Variants in IL13RA2 observed in about 807,000 individuals in gnomAD.
The protein encoded by IL13RA2 is interleukin 13 receptor subunit alpha 2.
In IL13RA2, 25 loss-of-function variants were observed where a neutral mutation model predicts 34.1. That is an observed-to-expected ratio of 0.73 (90% CI 0.53 to 1.03). IL13RA2 has a LOEUF of 1.03. Among genes scored for constraint, IL13RA2 ranks in the 50% least tolerant of loss-of-function variants. The pLI is 0.00. For missense variants in IL13RA2, 297 were observed against 280.9 expected, an observed-to-expected ratio of 1.06 and a Z score of -0.41; for synonymous variants, 106 against 100.4, an observed-to-expected ratio of 1.06 and a Z score of -0.33.
chrX:115,007,841 C>T, intron 8 of IL13RA2, 91 bp downstream of exon 8: 1 of 569,523 alleles, frequency 1.8e-6, no homozygotes, highest in Non-Finnish European at 2.8e-6. Flanking sequence ...TGGGAAAGTC[C>T]TTCACTTCTG....
At chrX:115,004,341 T>C (rs1048730966) in intron 9 of IL13RA2, among the ~76,000 whole-genome samples, 1 of 107,790 alleles carries the variant, frequency 9.3e-6, no homozygotes, top group Non-Finnish European at 1.9e-5. Flanking sequence ...GTGGGAGGAA[T>C]TGCTTGAGCC....
intron 4 of IL13RA2, 113 bp from the exon 5 acceptor site, chrX:115,014,002 A>G: frequency 1.7e-6 from 1 of 575,737 alleles, no homozygotes; most frequent in Non-Finnish European, 2.9e-6. Flanking sequence ...TTTTGCAATC[A>G]ACATAACAGG....
Position 115,010,719 on chromosome X carries a change from A to G in IL13RA2, c.631T>C (p.Tyr211His). 9.8e-7 allele frequency: 1 copy of G among 1,022,422 alleles called. No homozygotes were observed. The highest frequency in any genetic ancestry group is 1.4e-6 in the Non-Finnish European group (1 of 728,242). 84.3% of individuals were successfully genotyped at this position (1,022,422 alleles called of 1,213,427 possible). ...TCTGATGATCCATTAACACAAATAT[A>G]GAAATCTTTATAGTCTGATGCCTCC... ...YLEASDYKDF[Y>H]ICVNGSSENK... Residue 211 changes from tyrosine to histidine, a missense_variant, in exon 6 of 10, where the codon TAT (tyrosine) becomes CAT (histidine). Tyr to His is a moderately conservative substitution (Grantham distance 83, BLOSUM62 2). Coordinates refer to ENST00000243213, the MANE Select transcript of IL13RA2 (RefSeq NM_000640.3).
rs376324363 is a variant in IL13RA2, at chrX:115,013,813, A to G, written c.477T>C (p.Pro159=). The G allele has an allele frequency of 1.1e-5, 11 of 1,045,189 alleles. No individual in the cohort carries two copies. Among genetic ancestry groups the G allele is most frequent in the Admixed American group, 8.9e-5 (4 of 44,777 alleles). 86.1% of individuals were successfully genotyped at this position (1,045,189 alleles called of 1,213,427 possible). A position where few individuals can be genotyped will look rare whatever the true frequency, so the allele number is the denominator to read the frequency against. ...NWQYLLCSWK[P]GIGVLLDTNY... ...TGGTATCAAGAAGTACACCTATGCC[A>G]GGTTTCCAAGAACAGAGTAAATATT... Residue 159 remains proline (P), a synonymous_variant, in exon 5 of 10, where the codon CCT becomes CCC. Coordinates refer to ENST00000243213, the MANE Select transcript of IL13RA2 (RefSeq NM_000640.3).
At chrX:115,012,019 A>G (rs1253425081) in intron 5 of IL13RA2, among the ~76,000 whole-genome samples, 2 of 112,484 alleles carry the variant, frequency 1.8e-5, no homozygotes, top group Non-Finnish European at 3.8e-5. Flanking sequence ...CAGATGAGGA[A>G]ACAAAAATTC....
Position 115,004,009 on chromosome X carries a change from A to T in IL13RA2, c.*71T>A. 1.7e-6 allele frequency: 1 copy of T among 596,565 alleles called. No individual in the cohort carries two copies. The highest frequency in any genetic ancestry group is 2.6e-5 in the South Asian group (1 of 38,374). 49.2% of individuals were successfully genotyped at this position (596,565 alleles called of 1,213,427 possible). On this transcript the variant is annotated 3_prime_UTR_variant, in exon 10 of 10. Coordinates refer to ENST00000243213, the MANE Select transcript of IL13RA2 (RefSeq NM_000640.3). ...CGCAAGAAAAATTCAGTTTATTGAG[A>T]CTCATATTGAACATTTGGCCATGAC...
Position 115,005,268 on chromosome X carries a change from CA to C in IL13RA2, c.1044del (p.Phe348LeufsTer5). The C allele has an allele frequency of 8.7e-7, 1 of 1,146,956 alleles. No homozygotes were observed. Among genetic ancestry groups the C allele is most frequent in the Non-Finnish European group, 1.2e-6 (1 of 836,640 alleles). 94.5% of individuals were successfully genotyped at this position (1,146,956 alleles called of 1,213,427 possible). On this transcript the variant is annotated frameshift_variant, in exon 9 of 10. Coordinates refer to ENST00000243213, the MANE Select transcript of IL13RA2 (RefSeq NM_000640.3). LOFTEE classifies it high-confidence loss of function. ...AATATAACTAATATTAAGATGAAAC[CA>C]AATGGTAGCCAGAAACGTAGCAAAG... Reference protein sequence around the residue: ...KKTLLRFWLPFGFILILVIFV... With the variant: ...KKTLLRFWLPXGFILILVIFV...
chrX:115,015,576 T>C, intron 3 of IL13RA2, 94 bp downstream of exon 3: 2 of 772,507 alleles, frequency 2.6e-6, no homozygotes, highest in Non-Finnish European at 4.0e-6. Flanking sequence ...ATTAGAACTA[T>C]TGAGATATGG....
At position 115,009,546 on chromosome X, in the gene IL13RA2, A is replaced by G. The variant is rs146901313; in HGVS notation, c.827T>C (p.Ile276Thr). The change falls in exon 7 of 10, where the codon ATC becomes ACC. Residue 276 changes from isoleucine (I) to threonine (T), a missense_variant. Ile to Thr is a moderately conservative substitution (Grantham distance 89). Coordinates refer to ENST00000243213, the MANE Select transcript of IL13RA2 (RefSeq NM_000640.3). ...CACCAAGGTAGTATCATCTTCTCTG[A>G]TCTCAATTTCATAATCAAAACACCT... The part of the protein sequence containing the change: ...PARCFDYEIE[I>T]REDDTTLVTA... The G allele has an allele frequency of 2.0e-3, 2,412 of 1,197,599 alleles. 8 individuals carry two copies. The highest frequency in any genetic ancestry group is 1.8e-3 in the Non-Finnish European group (1,599 of 884,089).
intron 6 of IL13RA2, 101 bp from the exon 7 acceptor site, chrX:115,009,767 A>G (rs1039176126): frequency 2.9e-6 from 2 of 685,232 alleles, no homozygotes; most frequent in Non-Finnish European, 4.5e-6. Context: ...ACCTCCAGGG[A>G]TAAACCAAGT....
In IL13RA2 at chrX:115,010,690, G is replaced by T. The variant is rs1556508606; in HGVS notation, c.660C>A (p.Asn220Lys). ...TGAAATAACTGGATCTGATAGGCTT[G>T]TTCTCTGATGATCCATTAACACAAA... Reference protein sequence around the residue: ...FYICVNGSSENKPIRSSYFTF... With the variant: ...FYICVNGSSEKKPIRSSYFTF... The change falls in exon 6 of 10, where the codon AAC becomes AAA. Residue 220 changes from asparagine to lysine, a missense_variant. By Grantham distance (94) the Asn-to-Lys change is moderately conservative. Coordinates refer to ENST00000243213, the MANE Select transcript of IL13RA2 (RefSeq NM_000640.3). 9.9e-6 allele frequency: 10 copies of T among 1,015,191 alleles called. No homozygotes were observed. The South Asian group carries it at 1.8e-4, about 19-fold the overall frequency. The allele number at this position is 1,015,191 out of a possible 1,213,427, so 83.7% of individuals were successfully genotyped here. A position where few individuals can be genotyped will look rare whatever the true frequency, so the allele number is the denominator to read the frequency against.
At chrX:115,017,121 T>C (rs782703648) in intron 2 of IL13RA2, 55 bp downstream of exon 2, 98 of 608,381 alleles carry the variant, frequency 1.6e-4, no homozygotes, top group Non-Finnish European at 2.1e-4. Flanking sequence ...TCCATTAAAA[T>C]CCATTTAATT....
intron 7 of IL13RA2, 53 bp from the exon 8 acceptor site, chrX:115,008,129 ACAGAT>A: frequency 1.2e-6 from 1 of 828,362 alleles, no homozygotes. Flanking sequence ...TTGCAACTAG[ACAGAT>A]TCCATATCTG....
At chrX:115,004,257 A>G (rs2071676445) in intron 9 of IL13RA2, 151 bp from the exon 10 acceptor site, 1 of 387,360 alleles carries the variant, frequency 2.6e-6, no homozygotes, top group Non-Finnish European at 4.5e-6. Context: ...TTGAAAAGAT[A>G]TGGCATTGAG....
In IL13RA2 at chrX:115,017,231, G is replaced by T; in HGVS notation, c.39C>A (p.Thr13=). Residue 13 remains threonine, a synonymous_variant, in exon 2 of 10, where the codon ACC becomes ACA. Transcript: ENST00000243213. Reference sequence around the variant, plus strand: ...AGCCAAATGTTGTGCTTATCAGAAAGGTATATAAGCATCCGATAGCCAAGC... The same window carrying T: ...AGCCAAATGTTGTGCTTATCAGAAATGTATATAAGCATCCGATAGCCAAGC... ...FVCLAIGCLY[T]FLISTTFGCT... 9.8e-7 allele frequency: 1 copy of T among 1,019,238 alleles called. No homozygotes were observed. The highest frequency in any genetic ancestry group is 1.4e-6 in the Non-Finnish European group (1 of 725,267). The allele number at this position is 1,019,238 out of a possible 1,213,427, so 84.0% of individuals were successfully genotyped here. A position where few individuals can be genotyped will look rare whatever the true frequency, so the allele number is the denominator to read the frequency against.
At chrX:115,007,675 G>C (rs1389018671) in intron 8 of IL13RA2, among the ~76,000 whole-genome samples, 18 of 111,675 alleles carry the variant, frequency 1.6e-4, no homozygotes, top group African/African-American at 5.9e-4. Context: ...TCTCTCAAAA[G>C]AATGAGCATA....
rs1188299355 is a variant in IL13RA2 at position 115,008,049 on chromosome X, T to C, written c.880A>G (p.Thr294Ala). 4 of 1,159,277 alleles carry C rather than the reference T, an allele frequency of 3.5e-6. No individual in the cohort carries two copies. Among genetic ancestry groups the C allele is most frequent in the Non-Finnish European group, 4.7e-6 (4 of 851,875 alleles). Residue 294 changes from threonine to alanine, a missense_variant, in exon 8 of 10, where the codon ACC becomes GCC. Coordinates refer to ENST00000243213, the MANE Select transcript of IL13RA2 (RefSeq NM_000640.3). Reference sequence around the variant, plus strand: ...CGGGTTTCATTTGTTGTTTTCAAGGTGTATGTTTCATTTTCAACTGTAGCA... The same window carrying C: ...CGGGTTTCATTTGTTGTTTTCAAGGCGTATGTTTCATTTTCAACTGTAGCA... ...VTATVENETY[T>A]LKTTNETRQL...
chrX:115,014,444 G>A lies in IL13RA2; in HGVS notation c.377C>T (p.Thr126Ile). The change falls in exon 4 of 10, where the codon ACT (threonine) becomes ATT (isoleucine). Residue 126 changes from threonine to isoleucine, a missense_variant. Transcript: ENST00000243213. ...GSEVQSSWAE[T>I]TYWISPQGIP... ...ACCTTGTGGTGATATCCAATAAGTA[G>A]TTTCTGCCCAGGAACTTTGAACTTC... 1 of 1,193,000 alleles carries A rather than the reference G, an allele frequency of 8.4e-7. No individual in the cohort carries two copies. The highest frequency in any genetic ancestry group is 1.1e-6 in the Non-Finnish European group (1 of 881,547).
rs782088661 is a variant in IL13RA2 at position 115,009,630 on chromosome X, C to T, written c.743G>A (p.Arg248Gln). The T allele has an allele frequency of 2.7e-5, 33 of 1,202,488 alleles. No homozygotes were observed. In the South Asian group the frequency reaches 4.8e-4, roughly 17 times the overall value. ...PLPPVYLTFT[R>Q]ESSCEIKLKW... ...CAGCTTAATTTCACATGAACTCTCC[C>T]GAGTAAAAGTAAGATAGACTGGCGG... Residue 248 changes from arginine (R) to glutamine (Q), a missense_variant, in exon 7 of 10, where the codon CGG becomes CAG. Transcript: ENST00000243213.
Sources: allele counts gnomAD v4.1 joint callset (sites outside exome capture counted in the v4.1 genomes callset), GRCh38; gene constraint gnomAD v4.1.1; transcripts MANE v1.5; gene names NCBI Gene and HGNC (gene_info 2026-07-23, HGNC 2026-07-21).